The following TRIM16 variants were observed in gnomAD, a reference collection of about 807,000 sequenced individuals.
TRIM16 encodes the protein tripartite motif-containing protein 16.
Under a neutral mutation model 50.4 loss-of-function variants are expected in TRIM16, and 33 were observed. The ratio of observed to expected loss-of-function variants is 0.65; its 90% CI spans 0.50 to 0.88. TRIM16 has a LOEUF of 0.88. Ranked by LOEUF, TRIM16 falls within the 40% of genes least tolerant of loss-of-function variation. The probability of loss-of-function intolerance (pLI) is 0.00; values close to 1 mark genes in which losing one functional copy is unlikely to be tolerated. For synonymous variants in TRIM16, 229 were observed against 270.7 expected (o/e 0.85, Z 1.51); for missense variants, 581 against 686.8 (o/e 0.85, Z 1.72).
chr17:15,665,054 G>T (rs1164074233), intron 6 of TRIM16, among the ~76,000 whole-genome samples: 1 of 139,494 alleles, frequency 7.2e-6, no homozygotes, highest in Non-Finnish European at 1.5e-5. Context: ...AAAAAAAAAA[G>T]GCATAGGCAG....
chr17:15,651,668 GC>G lies in TRIM16; in HGVS notation c.-60del. The stretch of plus-strand genomic sequence containing the variant: ...TGTCCCTTGGCCCAGGATCTGTGCA[GC>G]CCAAGTCAGACAAGAGAACCACGCC... On this transcript the variant is annotated 5_prime_UTR_variant, in exon 7 of 12. Transcript: ENST00000649191. The G allele has an allele frequency of 6.4e-7, 1 of 1,573,288 alleles. No homozygotes were observed. Among genetic ancestry groups the G allele is most frequent in the Non-Finnish European group, 8.6e-7 (1 of 1,161,110 alleles).
chr17:15,679,068 G>A (rs539078746), intron 4 of TRIM16, among the ~76,000 whole-genome samples: 25 of 152,132 alleles, frequency 1.6e-4, no homozygotes, highest in Non-Finnish European at 2.4e-4. Flanking sequence ...TAGTAGAAAC[G>A]GGATCTCACC....
intron 10 of TRIM16, 134 bp downstream of exon 10, chr17:15,632,373 TCA>T: frequency 2.2e-6 from 3 of 1,355,912 alleles, no homozygotes; most frequent in Non-Finnish European, 3.0e-6. Flanking sequence ...CAAGACTGTC[TCA>T]CAGAAAAAGA....
At chr17:15,631,005 A>T (rs918198042) in intron 11 of TRIM16, among the ~76,000 whole-genome samples, 1 of 152,160 alleles carries the variant, frequency 6.6e-6, no homozygotes, top group African/African-American at 2.4e-5. Flanking sequence ...ACATTGTTCA[A>T]GGGTCAACTG....
In TRIM16 at chr17:15,636,019, C is replaced by T; in HGVS notation, c.849+17G>A. 1.2e-6 allele frequency: 2 copies of T among 1,611,480 alleles called. No individual in the cohort carries two copies. The highest frequency in any genetic ancestry group is 1.7e-5 in the Admixed American group (1 of 59,970). Reference sequence around the variant, plus strand: ...TGGGGCAGCTGTGGGATGCCTCTGCCCCCGCAACCCCCATACCTCCAAGAA... The same window carrying T: ...TGGGGCAGCTGTGGGATGCCTCTGCTCCCGCAACCCCCATACCTCCAAGAA... On this transcript the variant is annotated intron_variant, in intron 9 of 11. Coordinates refer to ENST00000649191, the MANE Select transcript of TRIM16 (RefSeq NM_001348119.1).
At chr17:15,678,875 CTCCTTTTT>C (rs1567692848) in intron 4 of TRIM16, among the ~76,000 whole-genome samples, 2 of 135,066 alleles carry the variant, frequency 1.5e-5, no homozygotes, top group Non-Finnish European at 3.1e-5. Flanking sequence ...AATGCAGACT[CTCCTTTTT>C]TTTTTTTTTT....
chr17:15,669,015 G>A lies in TRIM16; in HGVS notation c.-338+8161C>T, dbSNP rs1175592872. ...ATTCATGGAAGAACTACAAATAACTGATAAACATAGAAAAATAAACATAGG... is the reference window on the plus strand; with the variant it reads ...ATTCATGGAAGAACTACAAATAACTAATAAACATAGAAAAATAAACATAGG... On this transcript the variant is annotated intron_variant, in intron 6 of 11. Coordinates refer to ENST00000649191, the MANE Select transcript of TRIM16 (RefSeq NM_001348119.1). Among the ~76,000 whole-genome samples, 3 of 152,062 alleles carry A rather than the reference G, an allele frequency of 2.0e-5. No individual in the cohort carries two copies. In the East Asian group the frequency reaches 5.8e-4, roughly 29 times the overall value.
chr17:15,679,894 G>A (rs1343287961), intron 4 of TRIM16, among the ~76,000 whole-genome samples: 11 of 148,534 alleles, frequency 7.4e-5, no homozygotes, highest in Non-Finnish European at 1.0e-4. Flanking sequence ...CTGAGATCGC[G>A]CCACTGCACT....
At chr17:15,672,957 C>A (rs1271807911) in intron 6 of TRIM16, among the ~76,000 whole-genome samples, 4 of 152,202 alleles carry the variant, frequency 2.6e-5, no homozygotes, top group African/African-American at 9.7e-5. Flanking sequence ...GAGAATTATA[C>A]CAATTCACTA....
At chr17:15,645,044 G>A (rs1310733477) in intron 7 of TRIM16, among the ~76,000 whole-genome samples, 1 of 152,158 alleles carries the variant, frequency 6.6e-6, no homozygotes, top group Non-Finnish European at 1.5e-5. Context: ...TGGAACTCCT[G>A]ACCTTGTGAT....
At chr17:15,661,486 C>T (rs1359202148) in intron 6 of TRIM16, among the ~76,000 whole-genome samples, 1 of 152,154 alleles carries the variant, frequency 6.6e-6, no homozygotes, top group Admixed American at 6.6e-5. Flanking sequence ...GTGTACTAAG[C>T]AAGGGTCTCG....
At chr17:15,631,537 A>C in intron 11 of TRIM16, 82 bp downstream of exon 11, 1 of 1,308,502 alleles carries the variant, frequency 7.6e-7, no homozygotes, top group East Asian at 2.4e-5. Flanking sequence ...CCTGAAACCT[A>C]GATGAGAGAT....
At chr17:15,659,563 A>C (rs1988128947) in intron 6 of TRIM16, among the ~76,000 whole-genome samples, 1 of 152,186 alleles carries the variant, frequency 6.6e-6, no homozygotes, top group Non-Finnish European at 1.5e-5. Flanking sequence ...CTCTGTAATA[A>C]CTCTAACATT....
chr17:15,636,072 C>T lies in TRIM16; in HGVS notation c.813G>A (p.Arg271=). The T allele has an allele frequency of 1.9e-6, 3 of 1,609,854 alleles. No homozygotes were observed. The highest frequency in any genetic ancestry group is 1.7e-6 in the Non-Finnish European group (2 of 1,178,882). The change falls in exon 9 of 12, where the codon AGG becomes AGA. Residue 271 remains arginine, a synonymous_variant. Coordinates refer to ENST00000649191, the MANE Select transcript of TRIM16 (RefSeq NM_001348119.1). ...EMEKSKQELE[R]MAAISNTVQF... is the part of the protein sequence containing the mutation. ...GGACAGTGTTGCTGATGGCCGCCAT[C>T]CTCTCCAGCTCCTGCTTGCTCTTCT...
At chr17:15,661,763 G>A (rs1988248579) in intron 6 of TRIM16, among the ~76,000 whole-genome samples, 1 of 152,198 alleles carries the variant, frequency 6.6e-6, no homozygotes, top group Non-Finnish European at 1.5e-5. Flanking sequence ...ATGACGCCAT[G>A]GAAGCTGGCT....
At chr17:15,645,983 A>G (rs1439246315) in intron 7 of TRIM16, among the ~76,000 whole-genome samples, 1 of 152,208 alleles carries the variant, frequency 6.6e-6, no homozygotes, top group African/African-American at 2.4e-5. Flanking sequence ...CTGCTTGTTT[A>G]AAGGTGGTGG....
intron 6 of TRIM16, among the ~76,000 whole-genome samples, chr17:15,670,712 C>T (rs1460756603): frequency 6.6e-6 from 1 of 152,230 alleles, no homozygotes; most frequent in South Asian, 2.1e-4. Flanking sequence ...ATTTTCTCCA[C>T]TGAAGATTAT....
At chr17:15,670,833 A>G (rs1181015674) in intron 6 of TRIM16, among the ~76,000 whole-genome samples, 2 of 152,260 alleles carry the variant, frequency 1.3e-5, no homozygotes, top group African/African-American at 4.8e-5. Context: ...TGACTTCACT[A>G]TACAGTTACT....
At chr17:15,673,011 G>A (rs1988786709) in intron 6 of TRIM16, among the ~76,000 whole-genome samples, 1 of 152,216 alleles carries the variant, frequency 6.6e-6, no homozygotes, top group Admixed American at 6.5e-5. Flanking sequence ...TTCTAGGACA[G>A]ACCTTTTGTT....
Sources: gnomAD v4.1 joint callset for allele counts (sites outside exome capture counted in the v4.1 genomes callset) on GRCh38, gnomAD v4.1.1 for gene constraint, MANE v1.5 for transcripts, NCBI Gene and HGNC (gene_info 2026-07-23, HGNC 2026-07-21) for gene names.